The following APOA4 variants were observed in gnomAD, a reference collection of about 807,000 sequenced individuals.
APOA4 encodes apolipoprotein A4.
APOA4 carries 25 observed loss-of-function variants against 33.6 expected under a neutral mutation model. The ratio of observed to expected loss-of-function variants is 0.74; its 90% confidence interval spans 0.54 to 1.04. The LOEUF (loss-of-function observed/expected upper bound fraction) is 1.04. Ranked by LOEUF, APOA4 falls within the 50% of genes least tolerant of loss-of-function variation. APOA4 has a pLI of 0.00. For missense variants in APOA4, 549 were observed against 510.4 expected, an observed-to-expected ratio of 1.08 and a Z score of -0.73; for synonymous variants, 228 against 224.0, an observed-to-expected ratio of 1.02 and a Z score of -0.16.
Position 116,821,842 on chromosome 11 carries a change from G to GT in APOA4, c.215dup (p.Tyr72Ter). The change falls in exon 3 of 3, where the codon TAC (tyrosine) becomes TAAC (stop). Residue 72 changes from tyrosine (Y) to a stop codon, truncating the protein, a stop_gained and frameshift_variant. Transcript: ENST00000357780. LOFTEE classifies it high-confidence loss of function. The stretch of plus-strand genomic sequence containing the variant: ...CCAGCTTCTTCTGCAGGTCACCTGC[G>GT]TAAGTGTTCACTTCTCCAAGTTTGT... ...FQDKLGEVNT[Y>*]AGDLQKKLVP... 6.2e-7 allele frequency: 1 copy of GT among 1,613,984 alleles called. No homozygotes were observed.
intron 2 of APOA4, 113 bp from the exon 3 acceptor site, chr11:116,821,994 A>G: frequency 7.2e-7 from 1 of 1,381,126 alleles, no homozygotes; most frequent in Non-Finnish European, 1.0e-6. Context: ...GTGAGTGCTC[A>G]GAGGTACCGA....
chr11:116,821,934 G>T, intron 2 of APOA4, 53 bp from the exon 3 acceptor site: 1 of 1,603,812 alleles, frequency 6.2e-7, no homozygotes, highest in Non-Finnish European at 8.5e-7. Flanking sequence ...TACACGGCAA[G>T]ACTTTGTCTG....
rs751378321 is a variant in APOA4, at chr11:116,820,842, G to A, written c.*25C>T. On this transcript the variant is annotated 3_prime_UTR_variant, in exon 3 of 3. Transcript: ENST00000357780. ...CAGGGCAGGGCAGGTGTCCACGAGG[G>A]TGGGGCCAGTGCACCAGGGGCAGCT... is the stretch of plus-strand genomic sequence containing the variant. 2 of 1,611,450 alleles carry A rather than the reference G, an allele frequency of 1.2e-6. No homozygotes were observed. The highest frequency in any genetic ancestry group is 2.2e-5 in the East Asian group (1 of 44,850).
chr11:116,821,805 T>C lies in APOA4; in HGVS notation c.253A>G (p.Thr85Ala), dbSNP rs151159258. Residue 85 changes from threonine (T) to alanine (A), a missense_variant, in exon 3 of 3, where the codon ACC (threonine) becomes GCC (alanine). Physicochemically the swap from Thr to Ala is moderately conservative, Grantham distance 58. Transcript: ENST00000357780. Reference sequence around the variant, plus strand: ...TTGGCCAGGCGTTCATGCAGCTCGGTGGCAAAGGGCACCAGCTTCTTCTGC... The same window carrying C: ...TTGGCCAGGCGTTCATGCAGCTCGGCGGCAAAGGGCACCAGCTTCTTCTGC... ...DLQKKLVPFATELHERLAKDS... is the reference protein window; with the variant it reads ...DLQKKLVPFAAELHERLAKDS... 2.0e-5 allele frequency: 32 copies of C among 1,605,060 alleles called. No homozygotes were observed. In the African/African-American group the frequency reaches 4.1e-4, roughly 21 times the overall value.
Position 116,823,179 on chromosome 11 carries a change from C to T in APOA4, c.13G>A (p.Ala5Thr), listed in dbSNP as rs759823309. The stretch of plus-strand genomic sequence containing the variant: ...ACCAGGGCCAGGGTCAGGACCACGG[C>T]CTTCAGGAACATCCTGAGCTGCTTG... MFLK[A>T]VVLTLALVAV... Residue 5 changes from alanine (A) to threonine (T), a missense_variant, in exon 1 of 3, where the codon GCC (alanine) becomes ACC (threonine). Transcript: ENST00000357780. 1.2e-6 allele frequency: 2 copies of T among 1,614,124 alleles called. No homozygotes were observed. Among genetic ancestry groups the T allele is most frequent in the Middle Eastern group, 1.6e-4 (1 of 6,062 alleles).
In APOA4 at chr11:116,823,274, A is replaced by G; in HGVS notation, c.-83T>C. On this transcript the variant is annotated 5_prime_UTR_variant, in exon 1 of 3. Transcript: ENST00000357780. ...CAGGGGAGCTGACAGAGAGGTCCTCAGGAGAGCTCACCTGCGCTGCAGTGG... is the reference window on the plus strand; with the variant it reads ...CAGGGGAGCTGACAGAGAGGTCCTCGGGAGAGCTCACCTGCGCTGCAGTGG... 6.6e-7 allele frequency: 1 copy of G among 1,517,872 alleles called. No individual in the cohort carries two copies. Among genetic ancestry groups the G allele is most frequent in the Non-Finnish European group, 9.2e-7 (1 of 1,092,746 alleles). The allele number at this position is 1,517,872 out of a possible 1,614,324, so 94.0% of individuals were successfully genotyped here. A position where few individuals can be genotyped will look rare whatever the true frequency, so the allele number is the denominator to read the frequency against.
chr11:116,821,083 G>T lies in APOA4; in HGVS notation c.975C>A (p.Leu325=), dbSNP rs1477330328. The change falls in exon 3 of 3, where the codon CTC becomes CTA. Residue 325 remains leucine (L), a synonymous_variant. Transcript: ENST00000357780. ...NKALVQQMEQ[L]RQKLGPHAGD... ...CCGCATGGGGGCCCAGTTTCTGCCT[G>T]AGCTGTTCCATCTGCTGCACCAGGG... The T allele has an allele frequency of 1.9e-6, 3 of 1,614,180 alleles. No homozygotes were observed. The highest frequency in any genetic ancestry group is 2.5e-6 in the Non-Finnish European group (3 of 1,180,050).
chr11:116,821,708 G>A lies in APOA4; in HGVS notation c.350C>T (p.Ala117Val), dbSNP rs1027670565. The change falls in exon 3 of 3, where the codon GCC becomes GTC. Residue 117 changes from alanine to valine, a missense_variant. Physicochemically the swap from Ala to Val is moderately conservative, Grantham distance 64. Coordinates refer to ENST00000357780, the MANE Select transcript of APOA4 (RefSeq NM_000482.4). ...CCCGATCTTCTGGCTCACCTCATTG[G>A]CATGGGGCAGCAGCCGGGCCCTCAG... ...EELRARLLPHANEVSQKIGDN... is the reference protein window; with the variant it reads ...EELRARLLPHVNEVSQKIGDN... The A allele has an allele frequency of 6.4e-7, 1 of 1,557,464 alleles. No individual in the cohort carries two copies. Among genetic ancestry groups the A allele is most frequent in the African/African-American group, 1.4e-5 (1 of 73,848 alleles).
At chr11:116,822,185 C>T (rs1367758896) in intron 2 of APOA4, among the ~76,000 whole-genome samples, 1 of 152,152 alleles carries the variant, frequency 6.6e-6, no homozygotes, top group African/African-American at 2.4e-5. Context: ...AGGTCCTTCC[C>T]AGAGGGAGTG....
rs770684925 is a variant in APOA4 at position 116,820,856 on chromosome 11, C to G, written c.*11G>C. ...TGTCCACGAGGGTGGGGCCAGTGCACCAGGGGCAGCTCAGCTCTCCAAAGG... is the reference window on the plus strand; with the variant it reads ...TGTCCACGAGGGTGGGGCCAGTGCAGCAGGGGCAGCTCAGCTCTCCAAAGG... On this transcript the variant is annotated 3_prime_UTR_variant, in exon 3 of 3. Coordinates refer to ENST00000357780, the MANE Select transcript of APOA4 (RefSeq NM_000482.4). 50 of 1,613,146 alleles carry G rather than the reference C, an allele frequency of 3.1e-5. No homozygotes were observed. Among genetic ancestry groups the G allele is most frequent in the South Asian group, 6.6e-5 (6 of 91,056 alleles).
chr11:116,820,816 G>T lies in APOA4; in HGVS notation c.*51C>A, dbSNP rs527477870. The T allele has an allele frequency of 1.9e-6, 3 of 1,594,492 alleles. No individual in the cohort carries two copies. The African/African-American group carries it at 4.0e-5, about 21-fold the overall frequency. ...TTTGGGACAGACAGACAGACAGGTG[G>T]CAGGGCAGGGCAGGTGTCCACGAGG... On this transcript the variant is annotated 3_prime_UTR_variant, in exon 3 of 3. Transcript: ENST00000357780.
rs763972330 is a variant in APOA4, at chr11:116,823,143, C to G, written c.49G>C (p.Gly17Arg). Reference sequence around the variant, plus strand: ...CCATCCAAAGACAGCTTCTACTCACCGGCGACAGCCACCAGGGCCAGGGTC... The same window carrying G: ...CCATCCAAAGACAGCTTCTACTCACGGGCGACAGCCACCAGGGCCAGGGTC... ...VLTLALVAVAGARAEVSADQV... is the reference protein window; with the variant it reads ...VLTLALVAVARARAEVSADQV... Residue 17 changes from glycine (G) to arginine (R), a missense_variant and splice_region_variant, in exon 1 of 3, where the codon GGA becomes CGA. Physicochemically the swap from Gly to Arg is moderately radical, Grantham distance 125. Transcript: ENST00000357780. The G allele has an allele frequency of 6.2e-7, 1 of 1,613,954 alleles. No homozygotes were observed. Among genetic ancestry groups the G allele is most frequent in the Admixed American group, 1.7e-5 (1 of 60,016 alleles).
rs371755440 is a variant in APOA4, at chr11:116,820,838, G to A, written c.*29C>T. On this transcript the variant is annotated 3_prime_UTR_variant, in exon 3 of 3. Coordinates refer to ENST00000357780, the MANE Select transcript of APOA4 (RefSeq NM_000482.4). ...GTGGCAGGGCAGGGCAGGTGTCCAC[G>A]AGGGTGGGGCCAGTGCACCAGGGGC... The A allele has an allele frequency of 8.0e-4, 1,284 of 1,609,502 alleles. 1 individual carries two copies. The highest frequency in any genetic ancestry group is 1.0e-3 in the Non-Finnish European group (1,173 of 1,177,526).
At chr11:116,822,816 C>A in intron 1 of APOA4, 31 bp from the exon 2 acceptor site, 2 of 1,613,514 alleles carry the variant, frequency 1.2e-6, no homozygotes, top group Non-Finnish European at 1.7e-6. Context: ...ATTCATGAGG[C>A]CCCGTCTCCT....
Position 116,821,139 on chromosome 11 carries a change from C to G in APOA4, c.919G>C (p.Val307Leu), listed in dbSNP as rs5108. The G allele has an allele frequency of 3.7e-5, 60 of 1,613,624 alleles. No individual in the cohort carries two copies. The African/African-American group carries it at 7.2e-4, about 19-fold the overall frequency. Residue 307 changes from valine (V) to leucine (L), a missense_variant, in exon 3 of 3, where the codon GTG becomes CTG. Coordinates refer to ENST00000357780, the MANE Select transcript of APOA4 (RefSeq NM_000482.4). ...TTGAAGTTTTCCCCGTAGGGCTCCA[C>G]CCGGCGTCGGAACTCCTCCACCTGC... is the stretch of plus-strand genomic sequence containing the variant. ...DQQVEEFRRR[V>L]EPYGENFNKA...
In APOA4 at chr11:116,822,713, T is replaced by A. The variant is rs771682774; in HGVS notation, c.122A>T (p.Asn41Ile). The A allele has an allele frequency of 6.2e-7, 1 of 1,614,230 alleles. No homozygotes were observed. The highest frequency in any genetic ancestry group is 8.5e-7 in the Non-Finnish European group (1 of 1,180,046). Reference protein sequence around the residue: ...MWDYFSQLSNNAKEAVEHLQK... With the variant: ...MWDYFSQLSNIAKEAVEHLQK... ...GAGATGTTCCACGGCCTCCTTGGCATTGTTGCTCAGCTGGCTGAAGTAGTC... is the reference window on the plus strand; with the variant it reads ...GAGATGTTCCACGGCCTCCTTGGCAATGTTGCTCAGCTGGCTGAAGTAGTC... The change falls in exon 2 of 3, where the codon AAT becomes ATT. Residue 41 changes from asparagine (N) to isoleucine (I), a missense_variant. By Grantham distance (149) the Asn-to-Ile change is moderately radical. Transcript: ENST00000357780.
chr11:116,823,078 G>C, intron 1 of APOA4, 65 bp downstream of exon 1: 1 of 1,589,528 alleles, frequency 6.3e-7, no homozygotes, highest in Non-Finnish European at 8.6e-7. Context: ...CTTTGGCTCA[G>C]CCTCCATCCT....
chr11:116,823,281 C>T lies in APOA4; in HGVS notation c.-90G>A. On this transcript the variant is annotated 5_prime_UTR_variant, in exon 1 of 3. Transcript: ENST00000357780. ...GCTGACAGAGAGGTCCTCAGGAGAG[C>T]TCACCTGCGCTGCAGTGGGAACTGA... 1 of 1,456,366 alleles carries T rather than the reference C, an allele frequency of 6.9e-7. No individual in the cohort carries two copies. Among genetic ancestry groups the T allele is most frequent in the Non-Finnish European group, 9.6e-7 (1 of 1,036,994 alleles). 90.2% of individuals were successfully genotyped at this position (1,456,366 alleles called of 1,614,324 possible). A position where few individuals can be genotyped will look rare whatever the true frequency, so the allele number is the denominator to read the frequency against.
intron 2 of APOA4, 28 bp from the exon 3 acceptor site, chr11:116,821,909 G>C (rs369303594): frequency 1.2e-6 from 2 of 1,609,886 alleles, no homozygotes; most frequent in Non-Finnish European, 1.7e-6. Context: ...AGGAGGCCAC[G>C]TTACATTTGG....
Sources: gnomAD v4.1 joint callset for allele counts (sites outside exome capture counted in the v4.1 genomes callset) on GRCh38, gnomAD v4.1.1 for gene constraint, MANE v1.5 for transcripts, NCBI Gene and HGNC (gene_info 2026-07-23, HGNC 2026-07-21) for gene names.